Variants in ITPR2 observed in about 807,000 individuals in gnomAD.
ITPR2 encodes the protein inositol 1,4,5-trisphosphate receptor type 2.
A neutral mutation model predicts 317.1 loss-of-function variants in ITPR2; 207 were observed. The ratio of observed to expected loss-of-function variants is 0.65; its 90% confidence interval spans 0.58 to 0.73. The LOEUF (loss-of-function observed/expected upper bound fraction) is 0.73. ITPR2 is among the 30% of genes least tolerant of loss of function. The pLI is 0.00. For synonymous variants in ITPR2, 1,156 were observed against 1,149.1 expected (o/e 1.01, Z -0.12); for missense variants, 2,613 against 3,284.0 (o/e 0.80, Z 4.99).
intron 46 of ITPR2, among the ~76,000 whole-genome samples, chr12:26,442,367 G>C (rs1340032009): frequency 2.0e-5 from 3 of 152,154 alleles, no homozygotes; most frequent in Non-Finnish European, 4.4e-5. Flanking sequence ...AATTGGTAGA[G>C]AGTAAGTGCT....
intron 2 of ITPR2, among the ~76,000 whole-genome samples, chr12:26,737,019 C>G (rs925701850): frequency 1.3e-5 from 2 of 152,026 alleles, no homozygotes; most frequent in Non-Finnish European, 2.9e-5. Flanking sequence ...TACATGTAAA[C>G]GAGGGAGGAA....
rs1475173936 is a variant in ITPR2, at chr12:26,556,270, T to G, written c.4927A>C (p.Ser1643Arg). ...YSPELLFPEG[S>R]DARIRCGAFM... ...GCGCCACATCTTATTCTTGCATCGC[T>G]TCCCTCAGGGAACAGCAGTTCTGGA... The change falls in exon 36 of 57, where the codon AGC (serine) becomes CGC (arginine). Residue 1643 changes from serine (S) to arginine (R), a missense_variant. Ser to Arg is a moderately radical substitution (Grantham distance 110). Coordinates refer to ENST00000381340, the MANE Select transcript of ITPR2 (RefSeq NM_002223.4). The G allele has an allele frequency of 6.2e-7, 1 of 1,613,786 alleles. No homozygotes were observed. The highest frequency in any genetic ancestry group is 8.5e-7 in the Non-Finnish European group (1 of 1,179,914).
At chr12:26,743,891 C>CA (rs1437493169) in intron 2 of ITPR2, among the ~76,000 whole-genome samples, 2 of 152,068 alleles carry the variant, frequency 1.3e-5, no homozygotes, top group Non-Finnish European at 2.9e-5. Flanking sequence ...AACTCCATCT[C>CA]AAAAAAACAA....
chr12:26,670,197 G>T (rs528721909), intron 13 of ITPR2, among the ~76,000 whole-genome samples: 2 of 152,172 alleles, frequency 1.3e-5, no homozygotes, highest in Admixed American at 1.3e-4. Flanking sequence ...AGAGAGCATT[G>T]GTTCTCCCAG....
chr12:26,411,214 A>T (rs1000290087), intron 52 of ITPR2, 106 bp downstream of exon 52: 1 of 717,802 alleles, frequency 1.4e-6, no homozygotes, highest in Non-Finnish European at 2.4e-6. Flanking sequence ...TTCTATTTCA[A>T]TCCATCATGA....
At chr12:26,621,710 A>G (rs1219219446) in intron 25 of ITPR2, among the ~76,000 whole-genome samples, 1 of 152,164 alleles carries the variant, frequency 6.6e-6, no homozygotes, top group Non-Finnish European at 1.5e-5. Flanking sequence ...TATTCCTGTA[A>G]AACTGCCTAA....
intron 55 of ITPR2, among the ~76,000 whole-genome samples, chr12:26,347,337 T>A (rs1938341643): frequency 6.6e-6 from 1 of 152,236 alleles, no homozygotes. Context: ...AAAAGTTGAC[T>A]GTGGGTAAGC....
At chr12:26,781,220 G>A (rs1225745548) in intron 2 of ITPR2, among the ~76,000 whole-genome samples, 1 of 152,234 alleles carries the variant, frequency 6.6e-6, no homozygotes, top group Non-Finnish European at 1.5e-5. Flanking sequence ...GGTGTTTGCT[G>A]AAGGCAGAAG....
intron 21 of ITPR2, among the ~76,000 whole-genome samples, chr12:26,646,795 A>AT (rs963255484): frequency 6.6e-6 from 1 of 152,078 alleles, no homozygotes; most frequent in African/African-American, 2.4e-5. Context: ...TCTCCATTGA[A>AT]TTTTTTTTAA....
intron 37 of ITPR2, among the ~76,000 whole-genome samples, chr12:26,505,909 G>C (rs909979514): frequency 6.6e-6 from 1 of 151,848 alleles, no homozygotes; most frequent in Non-Finnish European, 1.5e-5. Flanking sequence ...GAAAACATTT[G>C]AGATTTATTC....
intron 2 of ITPR2, among the ~76,000 whole-genome samples, chr12:26,754,253 C>A (rs551633666): frequency 2.0e-5 from 3 of 152,178 alleles, no homozygotes; most frequent in South Asian, 2.1e-4. Flanking sequence ...TTGCTAAATG[C>A]TTTAGGGTAA....
At chr12:26,464,302 G>T (rs1239798852) in intron 45 of ITPR2, among the ~76,000 whole-genome samples, 3 of 152,198 alleles carry the variant, frequency 2.0e-5, no homozygotes, top group African/African-American at 7.2e-5. Context: ...CAACTAGGCG[G>T]TCCCATCTGG....
intron 45 of ITPR2, among the ~76,000 whole-genome samples, chr12:26,451,467 T>C (rs767675248): frequency 1.3e-5 from 2 of 151,188 alleles, no homozygotes; most frequent in Non-Finnish European, 2.9e-5. Flanking sequence ...GACCCTAGAA[T>C]GCCACCAGCA....
At chr12:26,766,346 G>T (rs1268321841) in intron 2 of ITPR2, among the ~76,000 whole-genome samples, 15 of 151,002 alleles carry the variant, frequency 9.9e-5, no homozygotes, top group Admixed American at 9.9e-4. Context: ...ATCTCATTGT[G>T]GTTTTTATTT....
intron 45 of ITPR2, among the ~76,000 whole-genome samples, chr12:26,458,008 G>A (rs923520109): frequency 1.3e-5 from 2 of 152,202 alleles, no homozygotes; most frequent in Admixed American, 6.5e-5. Context: ...ACCTGAGCAT[G>A]TTGGTGAGCA....
chr12:26,604,010 G>A (rs1433678037), intron 26 of ITPR2, among the ~76,000 whole-genome samples: 1 of 152,120 alleles, frequency 6.6e-6, no homozygotes, highest in African/African-American at 2.4e-5. Context: ...GCAGTTAAAG[G>A]GGACCCTAGT....
intron 37 of ITPR2, among the ~76,000 whole-genome samples, chr12:26,525,290 A>G (rs542049612): frequency 2.0e-4 from 30 of 152,326 alleles, no homozygotes; most frequent in Non-Finnish European, 5.9e-5. Flanking sequence ...CTTTCATTCT[A>G]TAACAACTTC....
chr12:26,698,548 G>A (rs1948391029), intron 9 of ITPR2, among the ~76,000 whole-genome samples: 1 of 152,202 alleles, frequency 6.6e-6, no homozygotes, highest in Non-Finnish European at 1.5e-5. Context: ...ATGAGTAGGA[G>A]TGTGAGGGAA....
intron 1 of ITPR2, among the ~76,000 whole-genome samples, chr12:26,819,833 G>T (rs147289595): frequency 6.6e-6 from 1 of 151,720 alleles, no homozygotes. Flanking sequence ...TTGGGAGGCC[G>T]AGGCAGGCGG....
Sources: gnomAD v4.1 joint callset for allele counts (sites outside exome capture counted in the v4.1 genomes callset) on GRCh38, gnomAD v4.1.1 for gene constraint, MANE v1.5 for transcripts, NCBI Gene and HGNC (gene_info 2026-07-23, HGNC 2026-07-21) for gene names.